Variants in CHD4 observed in about 807,000 individuals in gnomAD.
The protein encoded by CHD4 is chromodomain helicase DNA binding protein 4.
A neutral mutation model predicts 235.5 loss-of-function variants in CHD4; 35 were observed. The ratio of observed to expected loss-of-function variants is 0.15; its 90% CI spans 0.11 to 0.20. CHD4 has a LOEUF of 0.20. Among genes scored for constraint, CHD4 ranks in the 10% least tolerant of loss-of-function variants. The probability of loss-of-function intolerance (pLI) is 1.00; values close to 1 mark genes in which losing one functional copy is unlikely to be tolerated. For missense variants in CHD4, 1,329 were observed against 2,432.3 expected, an observed-to-expected ratio of 0.55 and a Z score of 9.54; for synonymous variants, 900 against 850.2, an observed-to-expected ratio of 1.06 and a Z score of -1.02.
In CHD4 at chr12:6,593,928, C is replaced by T. The variant is rs534660476; in HGVS notation, c.2314-312G>A. Among the ~76,000 whole-genome samples, 18 of 152,090 alleles carry T rather than the reference C, an allele frequency of 1.2e-4. No individual in the cohort carries two copies. The South Asian group carries it at 2.9e-3, about 25-fold the overall frequency. On this transcript the variant is annotated intron_variant, in intron 15 of 39. Coordinates refer to ENST00000544040, the MANE Select transcript of CHD4 (RefSeq NM_001273.5). The surrounding 1 kb of genome is among the most constrained non-coding windows in gnomAD (Gnocchi z 4.9). ...TCAGCTCACTGCAACCTCCACCTCC[C>T]GGGTTCAAGCGATTCTCCTGCCTCA...
chr12:6,575,777 A>G (rs1948060591), intron 37 of CHD4, among the ~76,000 whole-genome samples: 1 of 152,012 alleles, frequency 6.6e-6, no homozygotes, highest in Non-Finnish European at 1.5e-5. Flanking sequence ...CCACCTACTG[A>G]CCTCTAGCCC....
At chr12:6,573,895 G>A (rs555234889) in intron 37 of CHD4, among the ~76,000 whole-genome samples, 8 of 145,810 alleles carry the variant, frequency 5.5e-5, no homozygotes, top group South Asian at 2.1e-4. Flanking sequence ...ATGGTAGTGC[G>A]CACCTGTAAC....
At position 6,592,106 on chromosome 12, in the gene CHD4, G is replaced by A. The variant is rs775838192; in HGVS notation, c.2949-49C>T. The A allele has an allele frequency of 4.4e-6, 7 of 1,606,458 alleles. No homozygotes were observed. The Admixed American group carries it at 8.3e-5, about 19-fold the overall frequency. ...AGGTTAGACTTGAGAGCCTTTCAATGACTAATAATGCAGTGCCAACAACTG... is the reference window on the plus strand; with the variant it reads ...AGGTTAGACTTGAGAGCCTTTCAATAACTAATAATGCAGTGCCAACAACTG... On this transcript the variant is annotated intron_variant, in intron 19 of 39. Transcript: ENST00000544040.
At chr12:6,582,028 C>T (rs1024131476) in intron 30 of CHD4, 109 bp downstream of exon 30, 5 of 1,285,162 alleles carry the variant, frequency 3.9e-6, no homozygotes, top group African/African-American at 3.0e-5. Context: ...GTCTCTAACT[C>T]CTGACCTCAA....
intron 38 of CHD4, 199 bp downstream of exon 38, chr12:6,572,875 T>TA (rs747990661): frequency 0.075 from 29,647 of 397,562 alleles, 43 homozygotes; most frequent in Middle Eastern, 0.09. Context: ...TCCATCTCTT[T>TA]AAAAAAAAAA....
intron 34 of CHD4, 121 bp downstream of exon 34, chr12:6,578,724 AC>A: frequency 7.4e-7 from 1 of 1,346,148 alleles, no homozygotes; most frequent in Non-Finnish European, 1.1e-6. Context: ...GGGGACAGGT[AC>A]AGTCTTTTAT....
chr12:6,576,255 G>C (rs1024235736), intron 37 of CHD4, among the ~76,000 whole-genome samples: 1 of 152,156 alleles, frequency 6.6e-6, no homozygotes, highest in South Asian at 2.1e-4. Flanking sequence ...TACTCGGGAG[G>C]CTGAGGCAGG....
chr12:6,597,956 T>G lies in CHD4; in HGVS notation c.1830A>C (p.Glu610Asp), dbSNP rs1565615563. 6.2e-7 allele frequency: 1 copy of G among 1,614,202 alleles called. No individual in the cohort carries two copies. Among genetic ancestry groups the G allele is most frequent in the Admixed American group, 1.7e-5 (1 of 60,026 alleles). The change falls in exon 12 of 40, where the codon GAA becomes GAC. Residue 610 changes from glutamate (E) to aspartate (D), a missense_variant. Glu to Asp is a conservative substitution (Grantham distance 45). This residue lies in a region of CHD4 where 121 missense variants were observed against 177.8 expected (regional missense o/e 0.68). Coordinates refer to ENST00000544040, the MANE Select transcript of CHD4 (RefSeq NM_001273.5). ...GTTTTATCCCATAGCGATAGAAGCG[T>G]TCCTCCATCTCTGCAAATTTAGGGT... Reference protein sequence around the residue: ...NKDPKFAEMEERFYRYGIKPE... With the variant: ...NKDPKFAEMEDRFYRYGIKPE...
intron 28 of CHD4, 37 bp downstream of exon 28, chr12:6,582,811 T>C (rs1948219147): frequency 6.2e-7 from 1 of 1,613,988 alleles, no homozygotes; most frequent in Non-Finnish European, 8.5e-7. Context: ...ATGCAATATC[T>C]GACACTCACC....
In CHD4 at chr12:6,602,482, G is replaced by A. The variant is rs866742950; in HGVS notation, c.116C>T (p.Pro39Leu). The change falls in exon 3 of 40, where the codon CCA becomes CTA. Residue 39 changes from proline (P) to leucine (L), a missense_variant. Pro to Leu is a moderately conservative substitution (Grantham distance 98). Coordinates refer to ENST00000544040, the MANE Select transcript of CHD4 (RefSeq NM_001273.5). ...PPPHPENEED[P>L]EEDLSETETP... ...CTCTGTTTCTGACAAATCCTCTTCT[G>A]GGTCCTCTTCATTTTCTACATATAT... The A allele has an allele frequency of 6.8e-6, 11 of 1,612,320 alleles. 1 individual carries two copies. Among genetic ancestry groups the A allele is most frequent in the Middle Eastern group, 1.6e-4 (1 of 6,082 alleles).
rs1182958622 is a variant in CHD4 at position 6,600,534 on chromosome 12, C to G, written c.1063G>C (p.Gly355Arg). The G allele has an allele frequency of 1.2e-6, 2 of 1,613,686 alleles. No individual in the cohort carries two copies. The highest frequency in any genetic ancestry group is 2.7e-5 in the African/African-American group (2 of 74,812). The change falls in exon 8 of 40, where the codon GGC (glycine) becomes CGC (arginine). Residue 355 changes from glycine to arginine, a missense_variant and splice_region_variant. Coordinates refer to ENST00000544040, the MANE Select transcript of CHD4 (RefSeq NM_001273.5). ...ACAAATATACAGAAGAGAAACACAC[C>G]TTTCTTTTTCTTTTTAGTGGTTCGG... Reference protein sequence around the residue: ...KLRTTKKKKKGEEEVTAVDGY... With the variant: ...KLRTTKKKKKREEEVTAVDGY...
At chr12:6,573,301 G>A (rs769402080) in intron 37 of CHD4, 32 bp from the exon 38 acceptor site, 44 of 1,496,574 alleles carry the variant, frequency 2.9e-5, no homozygotes, top group East Asian at 1.8e-4. Context: ...ACGGGAGTTC[G>A]ACTGATAACT....
At chr12:6,605,960 C>A (rs1184901797) in intron 2 of CHD4, among the ~76,000 whole-genome samples, 1 of 152,158 alleles carries the variant, frequency 6.6e-6, no homozygotes, top group Non-Finnish European at 1.5e-5. Context: ...CCAGGGGTCC[C>A]AGCTACCTGC....
At position 6,601,273 on chromosome 12, in the gene CHD4, T is replaced by C. The variant is rs780484483; in HGVS notation, c.799+16A>G. The C allele has an allele frequency of 3.7e-6, 6 of 1,610,948 alleles. No individual in the cohort carries two copies. The Admixed American group carries it at 6.7e-5, about 18-fold the overall frequency. On this transcript the variant is annotated intron_variant, in intron 6 of 39. Transcript: ENST00000544040. ...CCACACTAGACACCCCCACTCCCAT[T>C]TGAACCCCATTTCACCTTTGCCCTC...
Position 6,591,614 on chromosome 12 carries a change from G to A in CHD4, c.3223-31C>T, listed in dbSNP as rs371393096. 5.8e-5 allele frequency: 93 copies of A among 1,613,612 alleles called. No homozygotes were observed. The African/African-American group carries it at 1.2e-3, about 21-fold the overall frequency. ...AAAGAAGCACGGTTTAATTATGGAA[G>A]AGTCAGATGGTAATCCCTTTCCTTA... On this transcript the variant is annotated intron_variant, in intron 21 of 39. Coordinates refer to ENST00000544040, the MANE Select transcript of CHD4 (RefSeq NM_001273.5).
intron 33 of CHD4, chr12:6,580,729 C>CAAAAAAAAAAAAAA (rs1948170097): frequency 5.8e-6 from 1 of 172,800 alleles, no homozygotes; most frequent in Non-Finnish European, 9.9e-6. Context: ...AAAAAAAAAG[C>CAAAAAAAAAAAAAA]CAGGCACAGT....
chr12:6,602,024 T>G lies in CHD4; in HGVS notation c.374A>C (p.Glu125Ala). 1.2e-6 allele frequency: 2 copies of G among 1,612,520 alleles called. No homozygotes were observed. Among genetic ancestry groups the G allele is most frequent in the Non-Finnish European group, 1.7e-6 (2 of 1,179,934 alleles). ...CTTCCGCTTGGATTTGCTCTTCTTC[T>G]CTTTCTTAGGTCCAAGCTTCTTCTT... The part of the protein sequence containing the change: ...KKKKKLGPKK[E>A]KKSKSKRKEE... The change falls in exon 4 of 40, where the codon GAG (glutamate) becomes GCG (alanine). Residue 125 changes from glutamate to alanine, a missense_variant. By Grantham distance (107) the Glu-to-Ala change is moderately radical. Around this residue, in one of 26 missense-constraint regions of CHD4, gnomAD observed 213 missense variants for 177.5 expected, o/e 1.20. Coordinates refer to ENST00000544040, the MANE Select transcript of CHD4 (RefSeq NM_001273.5).
In CHD4 at chr12:6,581,305, C is replaced by G. The variant is rs376011163; in HGVS notation, c.4765G>C (p.Glu1589Gln). 5.6e-6 allele frequency: 9 copies of G among 1,614,174 alleles called. No homozygotes were observed. The highest frequency in any genetic ancestry group is 7.6e-6 in the Non-Finnish European group (9 of 1,180,012). ...CCATCTCTTACCTCAATGGCAGTCT[C>G]AGGGGCTGTAGATTTAACCTCCTTT... is the stretch of plus-strand genomic sequence containing the variant. ...GEKEVKSTAPETAIECTQAPA... is the reference protein window; with the variant it reads ...GEKEVKSTAPQTAIECTQAPA... The change falls in exon 32 of 40, where the codon GAG becomes CAG. Residue 1589 changes from glutamate to glutamine, a missense_variant. By Grantham distance (29) the Glu-to-Gln change is conservative. Transcript: ENST00000544040.
intron 31 of CHD4, 36 bp from the exon 32 acceptor site, chr12:6,581,424 G>C: frequency 1.3e-6 from 2 of 1,594,822 alleles, no homozygotes; most frequent in Non-Finnish European, 1.7e-6. Flanking sequence ...TTAGGAAGAA[G>C]GTACTAGATC....
Sources: gnomAD v4.1 joint callset for allele counts (sites outside exome capture counted in the v4.1 genomes callset) on GRCh38, gnomAD v4.1.1 for gene constraint, gnomAD v4.1.1 regional missense constraint, Gnocchi (gnomAD v3.1) non-coding constraint, MANE v1.5 for transcripts, NCBI Gene and HGNC (gene_info 2026-07-23, HGNC 2026-07-21) for gene names.